The following PCDHA7 variants were observed in gnomAD, a reference collection of about 807,000 sequenced individuals.
PCDHA7 encodes protocadherin alpha-7.
A neutral mutation model predicts 57.2 loss-of-function variants in PCDHA7; 37 were observed. The ratio of observed to expected loss-of-function variants is 0.65; its 90% CI spans 0.50 to 0.85. The LOEUF (loss-of-function observed/expected upper bound fraction) is 0.85. Among genes scored for constraint, PCDHA7 ranks in the 40% least tolerant of loss-of-function variants. The probability of loss-of-function intolerance (pLI) is 0.00; values close to 1 mark genes in which losing one functional copy is unlikely to be tolerated. For synonymous variants in PCDHA7, 553 were observed against 558.8 expected (o/e 0.99, Z 0.15); for missense variants, 1,188 against 1,241.8 (o/e 0.96, Z 0.65).
At chr5:140,979,900 T>A (rs1554241214) in intron 2 of PCDHA7, among the ~76,000 whole-genome samples, 4 of 152,214 alleles carry the variant, frequency 2.6e-5, no homozygotes, top group Admixed American at 6.5e-5. Context: ...CAAACTTAGA[T>A]CAGTTCGTAA....
chr5:140,973,073 C>T (rs1372527958), intron 1 of PCDHA7, among the ~76,000 whole-genome samples: 1 of 151,988 alleles, frequency 6.6e-6, no homozygotes, highest in Non-Finnish European at 1.5e-5. Context: ...TCTCAGTGGG[C>T]CCAGCTGGCA....
Position 141,011,828 on chromosome 5 carries a change from T to C in PCDHA7, c.*1891T>C, listed in dbSNP as rs76856184. The C allele has an allele frequency of 2.5e-3, 389 of 153,920 alleles. 1 individual carries two copies. Among genetic ancestry groups the C allele is most frequent in the African/African-American group, 9.1e-3 (378 of 41,598 alleles). The allele number at this position is 153,920 out of a possible 1,614,324, so 9.5% of individuals were successfully genotyped here. ...GCTCATAGAAAGTAACAAAATTTGC[T>C]GTCACCTTAAATAAGACATTTTAAT... On this transcript the variant is annotated 3_prime_UTR_variant, in exon 4 of 4. Transcript: ENST00000525929.
At chr5:140,929,293 A>G in intron 1 of PCDHA7, 1 of 1,594,458 alleles carries the variant, frequency 6.3e-7, no homozygotes, top group Non-Finnish European at 8.6e-7. Flanking sequence ...GATTCGGAAT[A>G]GGAAAGGGGA....
At chr5:140,900,700 T>C (rs557185787) in intron 1 of PCDHA7, among the ~76,000 whole-genome samples, 1 of 152,352 alleles carries the variant, frequency 6.6e-6, no homozygotes, top group South Asian at 2.1e-4. Context: ...ATTTCCGTTC[T>C]TTTGGAAAGA....
intron 3 of PCDHA7, among the ~76,000 whole-genome samples, chr5:141,009,392 G>A (rs1016452113): frequency 2.6e-5 from 4 of 152,184 alleles, no homozygotes; most frequent in Non-Finnish European, 4.4e-5. Flanking sequence ...ACAGGAGGTC[G>A]AGGCTGCAGT....
chr5:140,850,665 T>TCGGCGATGCC, intron 1 of PCDHA7: 1 of 1,598,290 alleles, frequency 6.3e-7, no homozygotes, highest in African/African-American at 1.3e-5. Context: ...GCTGCGGTGC[T>TCGGCGATGCC]CGGCGATGCC....
intron 3 of PCDHA7, among the ~76,000 whole-genome samples, chr5:140,992,190 A>C (rs1452489619): frequency 1.3e-5 from 2 of 152,134 alleles, no homozygotes; most frequent in African/African-American, 2.4e-5. Flanking sequence ...GCTTTCAGTG[A>C]TCTATCCAAT....
At chr5:140,836,946 C>T (rs2150271412) in intron 1 of PCDHA7, 6 of 445,876 alleles carry the variant, frequency 1.3e-5, no homozygotes, top group Admixed American at 4.0e-5. Flanking sequence ...AGATCAAAAT[C>T]TATGGTTTAT....
chr5:140,966,837 T>C, intron 1 of PCDHA7: 1 of 1,566,152 alleles, frequency 6.4e-7, no homozygotes. Context: ...CCCTGGCTGC[T>C]GCTACTGCCT....
chr5:140,981,335 AG>A (rs2096927378), intron 2 of PCDHA7, among the ~76,000 whole-genome samples: 3 of 152,168 alleles, frequency 2.0e-5, no homozygotes, highest in Non-Finnish European at 4.4e-5. Context: ...GCACTTTGGG[AG>A]GGTGAGGCAG....
intron 1 of PCDHA7, chr5:140,883,650 C>A: frequency 6.2e-7 from 1 of 1,613,572 alleles, no homozygotes; most frequent in East Asian, 2.2e-5. Flanking sequence ...CCCGAGTACA[C>A]GGTGTTCGTG....
At chr5:140,934,279 A>G (rs2089746811) in intron 1 of PCDHA7, among the ~76,000 whole-genome samples, 1 of 152,104 alleles carries the variant, frequency 6.6e-6, no homozygotes, top group South Asian at 2.1e-4. Flanking sequence ...TGCTTCATCA[A>G]GGGCATTCTT....
intron 1 of PCDHA7, among the ~76,000 whole-genome samples, chr5:140,977,637 T>C (rs1440093548): frequency 6.6e-6 from 1 of 152,228 alleles, no homozygotes; most frequent in Non-Finnish European, 1.5e-5. Flanking sequence ...TAACTTTTTC[T>C]GGGCCTTGAC....
intron 1 of PCDHA7, among the ~76,000 whole-genome samples, chr5:140,965,887 T>C (rs1357808186): frequency 6.6e-6 from 1 of 152,214 alleles, no homozygotes; most frequent in Non-Finnish European, 1.5e-5. Context: ...GAGAGCAGAA[T>C]TGAGTCTTGG....
chr5:140,836,884 T>C (rs1387111400), intron 1 of PCDHA7, 146 bp downstream of exon 1: 2 of 642,656 alleles, frequency 3.1e-6, no homozygotes, highest in African/African-American at 3.7e-5. Context: ...TTGCACTAAT[T>C]ATTTGGAAGT....
chr5:140,851,225 C>G, intron 1 of PCDHA7: 4 of 1,141,878 alleles, frequency 3.5e-6, no homozygotes, highest in Non-Finnish European at 3.3e-6. Context: ...ACATCACTAT[C>G]ATTTATTTAT....
intron 3 of PCDHA7, among the ~76,000 whole-genome samples, chr5:141,005,543 A>G (rs2153984572): frequency 6.6e-6 from 1 of 151,530 alleles, no homozygotes; most frequent in South Asian, 2.1e-4. Context: ...CTCTACTAAA[A>G]ATACAAAAAT....
chr5:140,863,422 G>T (rs782158453), intron 1 of PCDHA7: 6 of 689,158 alleles, frequency 8.7e-6, no homozygotes, highest in Middle Eastern at 5.8e-4. Flanking sequence ...GTACCGCAGC[G>T]TAGTGGGATC....
chr5:140,855,911 G>A (rs2043669744), intron 1 of PCDHA7: 4 of 1,166,768 alleles, frequency 3.4e-6, no homozygotes, highest in East Asian at 4.8e-5. Context: ...AGTTTCTCAA[G>A]GACTAGGAAG....
Sources: gnomAD v4.1 joint callset for allele counts (sites outside exome capture counted in the v4.1 genomes callset) on GRCh38, gnomAD v4.1.1 for gene constraint, MANE v1.5 for transcripts, NCBI Gene and HGNC (gene_info 2026-07-23, HGNC 2026-07-21) for gene names.